GARNL3: variants seen among roughly 807,000 people sequenced by gnomAD.
GARNL3 encodes the protein GTPase activating Rap/RanGAP domain like 3, also known as GTPase-activating Rap/Ran-GAP domain-like protein 3.
GARNL3 carries 63 observed loss-of-function variants against 125.0 expected under a neutral mutation model. That is an observed-to-expected ratio of 0.50 (90% CI 0.41 to 0.62). GARNL3 has a LOEUF of 0.62. Ranked by LOEUF, GARNL3 falls within the 20% of genes least tolerant of loss-of-function variation. The probability of loss-of-function intolerance (pLI) is 0.00; values close to 1 mark genes in which losing one functional copy is unlikely to be tolerated. For missense variants in GARNL3, 994 were observed against 1,244.0 expected (o/e 0.80, Z 3.02); for synonymous variants, 439 against 457.5 (o/e 0.96, Z 0.52).
intron 7 of GARNL3, among the ~76,000 whole-genome samples, chr9:127,328,632 C>T (rs1390717044): frequency 6.6e-6 from 1 of 152,010 alleles, no homozygotes; most frequent in Non-Finnish European, 1.5e-5. Context: ...GAGGTGTTGC[C>T]TAAACAAGAG....
At position 127,387,187 on chromosome 9, in the gene GARNL3, T is replaced by C; in HGVS notation, c.2389-6T>C. 6.2e-7 allele frequency: 1 copy of C among 1,609,866 alleles called. No homozygotes were observed. The highest frequency in any genetic ancestry group is 8.5e-7 in the Non-Finnish European group (1 of 1,177,858). On this transcript the variant is annotated splice_polypyrimidine_tract_variant and splice_region_variant and intron_variant, in intron 24 of 27. Coordinates refer to ENST00000373387, the MANE Select transcript of GARNL3 (RefSeq NM_032293.5). ...CAGCCCGGTAATGCTCTCTCTTCCT[T>C]TCTAGTCGGATATATACTTCACAGC...
chr9:127,318,795 T>G (rs2065313009), intron 5 of GARNL3, among the ~76,000 whole-genome samples: 1 of 152,220 alleles, frequency 6.6e-6, no homozygotes, highest in Non-Finnish European at 1.5e-5. Flanking sequence ...AGCTTCTGTT[T>G]GTCAGGCACT....
intron 27 of GARNL3, among the ~76,000 whole-genome samples, chr9:127,391,533 A>AAAAAAAAAAAAAAAAAAATCTATATAT: frequency 1.3e-5 from 1 of 75,848 alleles, no homozygotes; most frequent in Non-Finnish European, 3.2e-5. Context: ...ACAAAAAAAA[A>AAAAAAAAAAAAAAAAAAATCTATATAT]ATATATATAT....
chr9:127,302,693 G>T (rs2812283), intron 2 of GARNL3, among the ~76,000 whole-genome samples: 91,285 of 152,052 alleles, frequency 0.6, 30,270 homozygotes, highest in Admixed American at 0.74. Flanking sequence ...GGGAGCTCAG[G>T]AAAGAAGCTG....
At chr9:127,238,497 A>G (rs1458868341) in intron 1 of GARNL3, among the ~76,000 whole-genome samples, 2 of 152,162 alleles carry the variant, frequency 1.3e-5, no homozygotes, top group Non-Finnish European at 2.9e-5. Flanking sequence ...GGAAAACTGT[A>G]AACTGTGTGC....
chr9:127,261,274 A>G (rs1175333746), upstream of GARNL3, among the ~76,000 whole-genome samples: 2 of 151,916 alleles, frequency 1.3e-5, no homozygotes, highest in Admixed American at 6.6e-5. Flanking sequence ...AGAATCTTCT[A>G]TGTGGTCATT....
chr9:127,234,401 C>G (rs2063074079), intron 1 of GARNL3, among the ~76,000 whole-genome samples: 1 of 152,072 alleles, frequency 6.6e-6, no homozygotes, highest in African/African-American at 2.4e-5. Context: ...AAAGATTTGT[C>G]CTTTACAGTG....
Position 127,384,580 on chromosome 9 carries a change from G to C in GARNL3, c.2270-447G>C, listed in dbSNP as rs1832442958. ...CAGACGTGCAGCTGGAGGAGCACAT[G>C]GGAGGAGCGAGGAGCACTGAGGGAC... On this transcript the variant is annotated intron_variant, in intron 23 of 27. Transcript: ENST00000373387. The surrounding 1 kb of genome is among the most constrained non-coding windows in gnomAD (Gnocchi z 4.0). Among the ~76,000 whole-genome samples, 1 of 152,182 alleles carries C rather than the reference G, an allele frequency of 6.6e-6. No individual in the cohort carries two copies. Among genetic ancestry groups the C allele is most frequent in the Non-Finnish European group, 1.5e-5 (1 of 68,042 alleles).
intron 14 of GARNL3, among the ~76,000 whole-genome samples, chr9:127,342,722 GA>G (rs1237482079): frequency 2.0e-5 from 3 of 151,970 alleles, no homozygotes; most frequent in Non-Finnish European, 4.4e-5. Context: ...GGGATTTTTA[GA>G]AAGACATAGG....
In GARNL3 at chr9:127,265,001, C is replaced by T; in HGVS notation, c.124C>T (p.His42Tyr). ...TAGACGTGGGGATTTCAGTAGGAAA[C>T]ATTATGGATCTGTGGAGCTGGTAAG... ...GCRRGDFSRK[H>Y]YGSVELLISS... The change falls in exon 1 of 28, where the codon CAT becomes TAT. Residue 42 changes from histidine to tyrosine, a missense_variant. Transcript: ENST00000373387. The T allele has an allele frequency of 1.9e-6, 3 of 1,612,890 alleles. No individual in the cohort carries two copies. Among genetic ancestry groups the T allele is most frequent in the Non-Finnish European group, 1.7e-6 (2 of 1,179,334 alleles).
At chr9:127,291,046 G>C in intron 1 of GARNL3, 122 bp from the exon 2 acceptor site, 2 of 932,314 alleles carry the variant, frequency 2.1e-6, no homozygotes, top group Non-Finnish European at 3.3e-6. Flanking sequence ...TAAAAAAACT[G>C]TTAGCTTCTA....
In GARNL3 at chr9:127,354,310, C is replaced by G. The variant is rs201635501; in HGVS notation, c.1659C>G (p.Leu553=). Residue 553 remains leucine (L), a synonymous_variant, in exon 19 of 28, where the codon CTC becomes CTG. Transcript: ENST00000373387. The part of the protein sequence containing the change: ...LRADKGKDAR[L]FVFRLSALQK... ...TGTCACCAGGAAAAGATGCTCGCCT[C>G]TTTGTCTTCAGGCTAAGTGCTCTGC... The G allele has an allele frequency of 5.6e-6, 9 of 1,613,518 alleles. No homozygotes were observed. Among genetic ancestry groups the G allele is most frequent in the Admixed American group, 5.0e-5 (3 of 59,964 alleles).
chr9:127,347,666 T>G (rs1240225468), intron 16 of GARNL3, among the ~76,000 whole-genome samples: 2 of 152,228 alleles, frequency 1.3e-5, no homozygotes, highest in Non-Finnish European at 2.9e-5. Flanking sequence ...TTCTCCCTAT[T>G]GACATTTATA....
intron 1 of GARNL3, among the ~76,000 whole-genome samples, chr9:127,241,092 T>C (rs989634188): frequency 6.6e-6 from 1 of 152,248 alleles, no homozygotes; most frequent in Non-Finnish European, 1.5e-5. Context: ...TAGTGGCTAG[T>C]GGCTACCCAG....
intron 1 of GARNL3, among the ~76,000 whole-genome samples, chr9:127,231,045 T>TAC (rs2062999027): frequency 2.1e-5 from 1 of 48,432 alleles, no homozygotes; most frequent in African/African-American, 1.1e-4. Context: ...CATATATATA[T>TAC]ATATATTTTT....
At chr9:127,337,709 C>T (rs1002962429) in intron 11 of GARNL3, among the ~76,000 whole-genome samples, 1 of 152,210 alleles carries the variant, frequency 6.6e-6, no homozygotes, top group Non-Finnish European at 1.5e-5. Context: ...ACAGCGGAAA[C>T]ATTTAAATTG....
At chr9:127,284,651 A>C (rs899637030) in intron 1 of GARNL3, among the ~76,000 whole-genome samples, 2 of 151,932 alleles carry the variant, frequency 1.3e-5, no homozygotes, top group Admixed American at 6.6e-5. Context: ...TAAATATAGC[A>C]CCTATCACAT....
chr9:127,243,206 A>C, exon 2 of GARNL3: 2 of 1,366,630 alleles, frequency 1.5e-6, no homozygotes, highest in Non-Finnish European at 2.0e-6. Context: ...GCCCCTTCAG[A>C]CATGGCCAAC....
chr9:127,314,909 C>T (rs1240447572), intron 4 of GARNL3, among the ~76,000 whole-genome samples: 1 of 152,108 alleles, frequency 6.6e-6, no homozygotes, highest in Non-Finnish European at 1.5e-5. Flanking sequence ...TGGAAGGGAG[C>T]CAGTCATTTG....
Sources: gnomAD v4.1 joint callset for allele counts (sites outside exome capture counted in the v4.1 genomes callset) on GRCh38, gnomAD v4.1.1 for gene constraint, Gnocchi (gnomAD v3.1) non-coding constraint, MANE v1.5 for transcripts, NCBI Gene and HGNC (gene_info 2026-07-23, HGNC 2026-07-21) for gene names.